GLIS1: variants seen among roughly 807,000 people sequenced by gnomAD.
GLIS1 encodes GLIS family zinc finger 1, also known as zinc finger protein GLIS1.
A neutral mutation model predicts 63.8 loss-of-function variants in GLIS1; 24 were observed. The observed-to-expected ratio is 0.38, with a 90% CI of 0.27 to 0.53. GLIS1 has a LOEUF of 0.53. Among genes scored for constraint, GLIS1 ranks in the 20% least tolerant of loss-of-function variants. The pLI is 0.85. For missense variants in GLIS1, 1,036 were observed against 1,074.1 expected, an observed-to-expected ratio of 0.96 and a Z score of 0.50; for synonymous variants, 450 against 482.5, an observed-to-expected ratio of 0.93 and a Z score of 0.88.
At chr1:53,726,528 T>C (rs1338899250) in intron 2 of GLIS1, among the ~76,000 whole-genome samples, 1 of 152,122 alleles carries the variant, frequency 6.6e-6, no homozygotes, top group Non-Finnish European at 1.5e-5. Flanking sequence ...CCTCTGGATA[T>C]TGGAGTCTGA....
intron 2 of GLIS1, among the ~76,000 whole-genome samples, chr1:53,730,689 C>G (rs1646850886): frequency 6.6e-6 from 1 of 152,168 alleles, no homozygotes. Context: ...GGCAAAAACA[C>G]CTCGGACCAG....
At chr1:53,730,502 T>C (rs1294314461) in intron 2 of GLIS1, among the ~76,000 whole-genome samples, 1 of 152,192 alleles carries the variant, frequency 6.6e-6, no homozygotes, top group East Asian at 1.9e-4. Flanking sequence ...TAGTACTCCC[T>C]GGTTTCTTGC....
intron 2 of GLIS1, among the ~76,000 whole-genome samples, chr1:53,653,738 C>A (rs889626070): frequency 6.6e-6 from 1 of 152,186 alleles, no homozygotes; most frequent in Non-Finnish European, 1.5e-5. Context: ...CAGGGTGAGA[C>A]AGACATCCCT....
At chr1:53,727,832 T>C (rs914772641) in intron 2 of GLIS1, among the ~76,000 whole-genome samples, 5 of 152,188 alleles carry the variant, frequency 3.3e-5, no homozygotes, top group Admixed American at 3.3e-4. Context: ...GAAAACATGA[T>C]GGTATCTGCA....
chr1:53,510,812 C>A (rs1187881570), intron 8 of GLIS1, among the ~76,000 whole-genome samples: 1 of 152,198 alleles, frequency 6.6e-6, no homozygotes, highest in Non-Finnish European at 1.5e-5. Flanking sequence ...CCTTCCGTTT[C>A]CAGCCCTGGC....
At position 53,556,242 on chromosome 1, in the gene GLIS1, TGTG is replaced by T. The variant is rs1557448526; in HGVS notation, c.1321-26293_1321-26291del. Among the ~76,000 whole-genome samples the T allele has an allele frequency of 6.2e-5, 8 of 128,216 alleles. No homozygotes were observed. The Admixed American group carries it at 6.3e-4, about 10-fold the overall frequency. The allele number at this position is 128,216 out of a possible 152,430, so 84.1% of individuals were successfully genotyped here. On this transcript the variant is annotated intron_variant, in intron 4 of 10. Coordinates refer to ENST00000628545, the MANE Select transcript of GLIS1 (RefSeq NM_001367484.1). ...TGTGTGTATGCAGGTGTACTGTAGG[TGTG>T]TGTGTGTGTGCAGGTGTACTGCAGG...
intron 2 of GLIS1, among the ~76,000 whole-genome samples, chr1:53,634,059 C>T (rs1645698478): frequency 6.6e-6 from 1 of 152,136 alleles, no homozygotes; most frequent in African/African-American, 2.4e-5. Context: ...CCAAGGATGG[C>T]GCCAAAGTTT....
intron 1 of GLIS1, 120 bp from the exon 2 acceptor site, chr1:53,738,226 AGCACC>A: frequency 1.9e-6 from 1 of 517,030 alleles, no homozygotes; most frequent in Non-Finnish European, 3.0e-6. Flanking sequence ...AACATAGGTT[AGCACC>A]ACGACACCTA....
chr1:53,583,535 A>G (rs1645106254), intron 4 of GLIS1, among the ~76,000 whole-genome samples: 1 of 152,172 alleles, frequency 6.6e-6, no homozygotes, highest in African/African-American at 2.4e-5. Context: ...CCAGTACCAC[A>G]TTGTCCATCT....
intron 4 of GLIS1, among the ~76,000 whole-genome samples, chr1:53,566,770 A>T (rs1569840226): frequency 6.6e-6 from 1 of 152,314 alleles, no homozygotes; most frequent in East Asian, 1.9e-4. Flanking sequence ...CCATGGTAAG[A>T]CATGCTTGCT....
At chr1:53,618,180 C>T (rs1569928743) in intron 2 of GLIS1, among the ~76,000 whole-genome samples, 1 of 152,212 alleles carries the variant, frequency 6.6e-6, no homozygotes, top group African/African-American at 2.4e-5. Context: ...GAACCTGAGA[C>T]GGAGCTCACC....
At chr1:53,521,687 T>C (rs535851300) in intron 6 of GLIS1, among the ~76,000 whole-genome samples, 1 of 152,228 alleles carries the variant, frequency 6.6e-6, no homozygotes, top group African/African-American at 2.4e-5. Context: ...AGACTTGAGG[T>C]CCCTTGGCTA....
At chr1:53,542,728 C>A (rs1439809930) in intron 4 of GLIS1, among the ~76,000 whole-genome samples, 1 of 152,224 alleles carries the variant, frequency 6.6e-6, no homozygotes, top group East Asian at 1.9e-4. Flanking sequence ...TGCCCCTTCA[C>A]CCCTGGGGCT....
chr1:53,670,466 T>C (rs1646139273), intron 2 of GLIS1, among the ~76,000 whole-genome samples: 1 of 152,216 alleles, frequency 6.6e-6, no homozygotes, highest in Admixed American at 6.5e-5. Context: ...GTCTCATTCA[T>C]TGCTTCCTGC....
At chr1:53,559,865 C>T (rs548294062) in intron 4 of GLIS1, among the ~76,000 whole-genome samples, 3 of 152,036 alleles carry the variant, frequency 2.0e-5, no homozygotes, top group East Asian at 1.9e-4. Context: ...CACACATATA[C>T]ACACACACAC....
intron 2 of GLIS1, among the ~76,000 whole-genome samples, chr1:53,653,336 C>T (rs926289374): frequency 6.6e-6 from 1 of 152,134 alleles, no homozygotes; most frequent in Non-Finnish European, 1.5e-5. Context: ...GTTTGGTGTG[C>T]CTTGTCCCCA....
chr1:53,628,046 G>A (rs1311117498), intron 2 of GLIS1, among the ~76,000 whole-genome samples: 1 of 152,176 alleles, frequency 6.6e-6, no homozygotes, highest in Non-Finnish European at 1.5e-5. Context: ...GAGAGGGAGA[G>A]ACAGCAAGGG....
At chr1:53,604,053 A>T (rs1243890499) in intron 2 of GLIS1, among the ~76,000 whole-genome samples, 3 of 152,260 alleles carry the variant, frequency 2.0e-5, no homozygotes, top group African/African-American at 7.2e-5. Context: ...TGGTGCTAAC[A>T]CCTAACCCAC....
chr1:53,687,646 G>A (rs968672358), intron 2 of GLIS1, among the ~76,000 whole-genome samples: 4 of 152,196 alleles, frequency 2.6e-5, no homozygotes, highest in Non-Finnish European at 5.9e-5. Context: ...GGAAGGGGCA[G>A]CACCAGGTCA....
Sources: allele counts gnomAD v4.1 joint callset (sites outside exome capture counted in the v4.1 genomes callset), GRCh38; gene constraint gnomAD v4.1.1; transcripts MANE v1.5; gene names NCBI Gene and HGNC (gene_info 2026-07-23, HGNC 2026-07-21).